MFSD8: variants seen among roughly 807,000 people sequenced by gnomAD.
The protein encoded by MFSD8 is major facilitator superfamily domain-containing protein 8.
MFSD8 carries 55 observed loss-of-function variants against 66.4 expected under a neutral mutation model. The observed-to-expected ratio is 0.83, with a 90% CI of 0.67 to 1.04. The LOEUF is 1.04. Among genes scored for constraint, MFSD8 ranks in the 50% least tolerant of loss-of-function variants. The pLI is 0.00. For missense variants in MFSD8, 550 were observed against 627.6 expected, an observed-to-expected ratio of 0.88 and a Z score of 1.32; for synonymous variants, 202 against 212.8, an observed-to-expected ratio of 0.95 and a Z score of 0.44.
rs1578795529 is a variant in MFSD8, at chr4:127,921,867, C to T, written c.1095G>A (p.Gln365=). Residue 365 remains glutamine (Q), a synonymous_variant, in exon 10 of 12, where the codon CAG becomes CAA. Transcript: ENST00000641686. ...AATTATGTATGGCTATACCTTCCCA[C>T]TGTATTTTGGGAAATTGATTTCCCC... ...LPWGNQFPKI[Q]WEDLHNNSIP... 1.2e-6 allele frequency: 2 copies of T among 1,614,004 alleles called. No homozygotes were observed. Among genetic ancestry groups the T allele is most frequent in the Admixed American group, 3.3e-5 (2 of 60,014 alleles).
chr4:127,933,957 A>G (rs1246390709), intron 7 of MFSD8, among the ~76,000 whole-genome samples: 1 of 152,182 alleles, frequency 6.6e-6, no homozygotes, highest in Non-Finnish European at 1.5e-5. Context: ...GTGGGATTAC[A>G]TGTGGTTTAC....
Position 127,939,838 on chromosome 4 carries a change from T to C in MFSD8, c.698+15A>G. The C allele has an allele frequency of 6.2e-7, 1 of 1,604,122 alleles. No homozygotes were observed. Among genetic ancestry groups the C allele is most frequent in the Admixed American group, 1.7e-5 (1 of 59,328 alleles). On this transcript the variant is annotated intron_variant, in intron 6 of 11. Transcript: ENST00000641686. The stretch of plus-strand genomic sequence containing the variant: ...ACAATCTACAAAAATAGTTTTATCA[T>C]TTCTATCTAATTACCTTAGTATGGC...
intron 4 of MFSD8, among the ~76,000 whole-genome samples, chr4:127,942,988 G>A (rs1578906606): frequency 6.6e-6 from 1 of 152,094 alleles, no homozygotes. Context: ...GGAGGCCGAG[G>A]CGAGTGGATC....
intron 9 of MFSD8, among the ~76,000 whole-genome samples, chr4:127,923,532 T>G (rs1736656941): frequency 7.2e-6 from 1 of 139,580 alleles, no homozygotes; most frequent in African/African-American, 2.9e-5. Context: ...AGTTTTCCAG[T>G]ATTTTATTTT....
At chr4:127,949,898 TTACAGA>T in intron 2 of MFSD8, 51 bp from the exon 3 acceptor site, 1 of 1,497,460 alleles carries the variant, frequency 6.7e-7, no homozygotes, top group Middle Eastern at 1.8e-4. Flanking sequence ...TTAATCATTA[TTACAGA>T]TACAATTTTC....
chr4:127,920,210 G>T lies in MFSD8; in HGVS notation c.*420C>A. The T allele has an allele frequency of 6.1e-6, 1 of 164,792 alleles. No homozygotes were observed. Among genetic ancestry groups the T allele is most frequent in the Non-Finnish European group, 1.3e-5 (1 of 75,558 alleles). 10.2% of individuals were successfully genotyped at this position (164,792 alleles called of 1,614,324 possible). The stretch of plus-strand genomic sequence containing the variant: ...GTCTGAATAAAAATACCTCTACTTG[G>T]GTAGAGGTATTTAAAATTCTATAAT... On this transcript the variant is annotated 3_prime_UTR_variant, in exon 12 of 12. Coordinates refer to ENST00000641686, the MANE Select transcript of MFSD8 (RefSeq NM_001371596.2).
At chr4:127,963,469 G>T (rs1744171044) in intron 1 of MFSD8, among the ~76,000 whole-genome samples, 1 of 152,108 alleles carries the variant, frequency 6.6e-6, no homozygotes, top group Non-Finnish European at 1.5e-5. Flanking sequence ...CTCTTAAGGT[G>T]GCACGTCTGG....
chr4:127,953,886 G>A (rs1578966985), intron 2 of MFSD8, among the ~76,000 whole-genome samples: 1 of 151,542 alleles, frequency 6.6e-6, no homozygotes, highest in Non-Finnish European at 1.5e-5. Context: ...ACCCAGTACT[G>A]AATCATGCAC....
rs952826538 is a variant in MFSD8 at position 127,953,543 on chromosome 4, G to GTTT, written c.155-3699_155-3697dup. On this transcript the variant is annotated intron_variant, in intron 2 of 11. Coordinates refer to ENST00000641686, the MANE Select transcript of MFSD8 (RefSeq NM_001371596.2). Reference sequence around the variant, plus strand: ...TTCTGATATTTGCACAAGGCATTCTGTTTTTTTTTTTTTTTTTTTTTTTTT... The same window carrying GTTT: ...TTCTGATATTTGCACAAGGCATTCTGTTTTTTTTTTTTTTTTTTTTTTTTTTTT... 8.1e-4 allele frequency among the ~76,000 whole-genome samples: 54 copies of GTTT among 67,044 alleles called. 5 individuals are homozygous for GTTT. The highest frequency in any genetic ancestry group is 8.2e-3 in the Middle Eastern group (1 of 122). 44.0% of individuals were successfully genotyped at this position (67,044 alleles called of 152,430 possible).
At chr4:127,950,993 G>C (rs186727239) in intron 2 of MFSD8, among the ~76,000 whole-genome samples, 106 of 150,126 alleles carry the variant, frequency 7.1e-4, no homozygotes, top group Middle Eastern at 3.5e-3. Flanking sequence ...CACGGAGGCG[G>C]AGGTTGTAGT....
chr4:127,946,945 AC>A lies in MFSD8; in HGVS notation c.198+2858del, dbSNP rs202174006. ...AAAACCACAAAAATTAAAAAAAAAAACAATCCTAACAATCTAGACAATCTAG... is the reference window on the plus strand; with the variant it reads ...AAAACCACAAAAATTAAAAAAAAAAAAATCCTAACAATCTAGACAATCTAG... On this transcript the variant is annotated intron_variant, in intron 3 of 11. Coordinates refer to ENST00000641686, the MANE Select transcript of MFSD8 (RefSeq NM_001371596.2). 5.4e-3 allele frequency among the ~76,000 whole-genome samples: 824 copies of A among 152,006 alleles called. 7 individuals are homozygous for A. Among genetic ancestry groups the A allele is most frequent in the African/African-American group, 0.019 (779 of 41,438 alleles).
intron 9 of MFSD8, among the ~76,000 whole-genome samples, chr4:127,923,911 G>A (rs1390211822): frequency 2.0e-5 from 3 of 151,874 alleles, no homozygotes; most frequent in African/African-American, 2.4e-5. Context: ...GAGGATTTTC[G>A]CATCGATGTT....
At chr4:127,960,799 C>T (rs1036259793) in intron 1 of MFSD8, among the ~76,000 whole-genome samples, 3 of 152,150 alleles carry the variant, frequency 2.0e-5, no homozygotes, top group African/African-American at 7.2e-5. Flanking sequence ...AAAACACCAA[C>T]TCTGAAGTGC....
chr4:127,925,168 G>A (rs1457076827), intron 9 of MFSD8, among the ~76,000 whole-genome samples: 2 of 152,146 alleles, frequency 1.3e-5, no homozygotes, highest in Non-Finnish European at 2.9e-5. Flanking sequence ...TTACCATTCA[G>A]GACATAGGCA....
intron 4 of MFSD8, 43 bp downstream of exon 4, chr4:127,943,709 G>T: frequency 6.2e-7 from 1 of 1,612,876 alleles, no homozygotes; most frequent in South Asian, 1.1e-5. Flanking sequence ...ATGTCAGAAT[G>T]AATGTGAATA....
chr4:127,951,763 T>G (rs1347182294), intron 2 of MFSD8, among the ~76,000 whole-genome samples: 1 of 150,448 alleles, frequency 6.6e-6, no homozygotes, highest in Non-Finnish European at 1.5e-5. Flanking sequence ...AGAGTCTCGC[T>G]ATGTCACCAG....
chr4:127,965,011 G>C, intron 1 of MFSD8, 61 bp downstream of exon 1: 6 of 1,586,154 alleles, frequency 3.8e-6, no homozygotes, highest in Non-Finnish European at 5.2e-6. Flanking sequence ...GTGACGCCCG[G>C]AAAGGAACCA....
chr4:127,963,672 T>C (rs1016288567), intron 1 of MFSD8, among the ~76,000 whole-genome samples: 1 of 152,096 alleles, frequency 6.6e-6, no homozygotes, highest in Non-Finnish European at 1.5e-5. Context: ...ACCTTCGCGG[T>C]GAGTGTTACG....
At chr4:127,954,312 T>TC (rs112655603) in intron 2 of MFSD8, among the ~76,000 whole-genome samples, 5,384 of 152,288 alleles carry the variant, frequency 0.035, 322 homozygotes, top group African/African-American at 0.12. Context: ...AAGTTGAGGT[T>TC]AGAGGCAACA....
Sources: allele counts gnomAD v4.1 joint callset (sites outside exome capture counted in the v4.1 genomes callset), GRCh38; gene constraint gnomAD v4.1.1; transcripts MANE v1.5; gene names NCBI Gene and HGNC (gene_info 2026-07-23, HGNC 2026-07-21).